The following FBN2 variants were observed in gnomAD, a reference collection of about 807,000 sequenced individuals.
FBN2 encodes the protein fibrillin 2.
Under a neutral mutation model 355.6 loss-of-function variants are expected in FBN2, and 105 were observed. That is an observed-to-expected ratio of 0.30 (90% CI 0.25 to 0.35). FBN2 has a LOEUF of 0.35. Ranked by LOEUF, FBN2 falls within the 10% of genes least tolerant of loss-of-function variation. The pLI, the probability that FBN2 is intolerant of heterozygous loss-of-function variation, is 1.00. For synonymous variants in FBN2, 1,350 were observed against 1,301.2 expected (o/e 1.04, Z -0.81); for missense variants, 3,280 against 3,758.7 (o/e 0.87, Z 3.33).
intron 28 of FBN2, 42 bp from the exon 29 acceptor site, chr5:128,335,619 C>T (rs1448131942): frequency 6.2e-7 from 1 of 1,613,070 alleles, no homozygotes; most frequent in East Asian, 2.2e-5. Context: ...GGTCTGCTTC[C>T]TTAAAAGGAG....
chr5:128,288,894 G>C (rs1749236847), intron 52 of FBN2, among the ~76,000 whole-genome samples: 1 of 152,190 alleles, frequency 6.6e-6, no homozygotes, highest in Non-Finnish European at 1.5e-5. Flanking sequence ...TAAGTCTCTA[G>C]GACACATAAG....
At chr5:128,369,367 A>G (rs1251402153) in intron 15 of FBN2, 33 bp from the exon 16 acceptor site, 11 of 1,611,612 alleles carry the variant, frequency 6.8e-6, no homozygotes, top group Non-Finnish European at 8.5e-6. Flanking sequence ...GACTTGAGGC[A>G]GTGATAGAGA....
intron 55 of FBN2, among the ~76,000 whole-genome samples, chr5:128,283,794 G>A (rs992748027): frequency 5.3e-5 from 8 of 152,164 alleles, no homozygotes; most frequent in South Asian, 2.1e-4. Context: ...TGTCCCCAAC[G>A]AAACCTGTTT....
At chr5:128,464,002 A>C (rs1754628962) in intron 6 of FBN2, among the ~76,000 whole-genome samples, 1 of 152,246 alleles carries the variant, frequency 6.6e-6, no homozygotes, top group Non-Finnish European at 1.5e-5. Flanking sequence ...AAATGGATTT[A>C]AGACATTTGA....
chr5:128,345,898 T>C (rs1751169116), intron 23 of FBN2, among the ~76,000 whole-genome samples: 1 of 152,238 alleles, frequency 6.6e-6, no homozygotes. Flanking sequence ...ATAATTTTAA[T>C]GATAATTCTT....
chr5:128,471,653 A>G (rs1047018408), intron 5 of FBN2, among the ~76,000 whole-genome samples: 7 of 152,158 alleles, frequency 4.6e-5, no homozygotes, highest in Non-Finnish European at 1.0e-4. Flanking sequence ...AACAAAAACA[A>G]AAACAAAAAA....
Position 128,345,481 on chromosome 5 carries a change from C to T in FBN2, c.3093G>A (p.Ala1031=), listed in dbSNP as rs528529593. ...RMDACCCAVG[A]AWGTECEECP... is the part of the protein sequence containing the mutation. ...ACTCCTCACACTCGGTGCCCCAAGCCGCCCCGACAGCACAGCAGCAGGCAT... is the reference window on the plus strand; with the variant it reads ...ACTCCTCACACTCGGTGCCCCAAGCTGCCCCGACAGCACAGCAGCAGGCAT... The change falls in exon 24 of 65, where the codon GCG becomes GCA. Residue 1031 remains alanine (A), a synonymous_variant. Coordinates refer to ENST00000262464, the MANE Select transcript of FBN2 (RefSeq NM_001999.4). 2.0e-5 allele frequency: 32 copies of T among 1,614,148 alleles called. No homozygotes were observed. The highest frequency in any genetic ancestry group is 1.1e-4 in the African/African-American group (8 of 75,024).
At chr5:128,501,825 T>C (rs142042535) in intron 5 of FBN2, among the ~76,000 whole-genome samples, 1 of 151,876 alleles carries the variant, frequency 6.6e-6, no homozygotes, top group African/African-American at 2.4e-5. Context: ...GAATTACTGA[T>C]AAAGATCAAA....
chr5:128,342,975 G>A (rs1205891176), intron 25 of FBN2, among the ~76,000 whole-genome samples: 1 of 152,084 alleles, frequency 6.6e-6, no homozygotes, highest in East Asian at 1.9e-4. Flanking sequence ...TGATCTGCCC[G>A]TCTCGGCCTC....
intron 5 of FBN2, among the ~76,000 whole-genome samples, chr5:128,511,758 T>A (rs958856466): frequency 1.2e-4 from 18 of 152,138 alleles, no homozygotes; most frequent in African/African-American, 3.9e-4. Context: ...GGTAGGGTGG[T>A]CAAAGAAAGT....
intron 11 of FBN2, among the ~76,000 whole-genome samples, chr5:128,380,042 A>G (rs1019572491): frequency 2.0e-5 from 3 of 152,110 alleles, no homozygotes; most frequent in Admixed American, 6.6e-5. Flanking sequence ...CTGGTAAAGG[A>G]AATAAACTTC....
At position 128,537,779 on chromosome 5, in the gene FBN2, A is replaced by T. The variant is rs1316575797; in HGVS notation, c.-176T>A. ...ACCTCGACAGAGCGCCGGCCCCCTG[A>T]CTGCCCGCGAAGCGAGACGCGGGGC... On this transcript the variant is annotated 5_prime_UTR_variant, in exon 1 of 65. Transcript: ENST00000262464. 1.5e-6 allele frequency: 1 copy of T among 657,230 alleles called. No homozygotes were observed. Among genetic ancestry groups the T allele is most frequent in the African/African-American group, 1.8e-5 (1 of 54,872 alleles). 40.7% of individuals were successfully genotyped at this position (657,230 alleles called of 1,614,324 possible).
At chr5:128,271,131 T>C (rs1282537703) in intron 62 of FBN2, among the ~76,000 whole-genome samples, 6 of 152,186 alleles carry the variant, frequency 3.9e-5, no homozygotes, top group African/African-American at 1.4e-4. Context: ...CCACAAAGGA[T>C]AAAATCAGAC....
At chr5:128,380,212 A>G (rs943802587) in intron 11 of FBN2, among the ~76,000 whole-genome samples, 1 of 152,166 alleles carries the variant, frequency 6.6e-6, no homozygotes, top group Non-Finnish European at 1.5e-5. Context: ...GAGAAAAGAG[A>G]GAGAGCATTA....
intron 6 of FBN2, among the ~76,000 whole-genome samples, chr5:128,456,016 A>AAAAAAAAAAAAAAAAAAC (rs1561465958): frequency 6.8e-6 from 1 of 148,098 alleles, no homozygotes; most frequent in African/African-American, 2.5e-5. Flanking sequence ...AAAAAAAAAA[A>AAAAAAAAAAAAAAAAAAC]AAAAAAAGCA....
chr5:128,393,360 G>C lies in FBN2; in HGVS notation c.1240C>G (p.Arg414Gly). ...GGAAGTCCATCCATGCAAAGTCTGCGATATTCCTCTAGAAGAAAAGAAAGT... is the reference window on the plus strand; with the variant it reads ...GGAAGTCCATCCATGCAAAGTCTGCCATATTCCTCTAGAAGAAAAGAAAGT... ...ACPVRGSEEY[R>G]RLCMDGLPMG... Residue 414 changes from arginine to glycine, a missense_variant, in exon 10 of 65, where the codon CGC (arginine) becomes GGC (glycine). Transcript: ENST00000262464. 6.2e-7 allele frequency: 1 copy of C among 1,613,862 alleles called. No homozygotes were observed. The highest frequency in any genetic ancestry group is 8.5e-7 in the Non-Finnish European group (1 of 1,179,814).
intron 11 of FBN2, among the ~76,000 whole-genome samples, chr5:128,384,143 G>T (rs373264404): frequency 1.3e-5 from 2 of 151,938 alleles, no homozygotes; most frequent in Admixed American, 1.3e-4. Flanking sequence ...CAACACAGAA[G>T]AATCACAGAA....
At chr5:128,500,126 T>C (rs1471385649) in intron 5 of FBN2, among the ~76,000 whole-genome samples, 1 of 152,116 alleles carries the variant, frequency 6.6e-6, no homozygotes, top group Non-Finnish European at 1.5e-5. Context: ...TGACTTTAGA[T>C]AGATTTCAGG....
At position 128,527,886 on chromosome 5, in the gene FBN2, G is replaced by A. The variant is rs147157552; in HGVS notation, c.518C>T (p.Thr173Ile). The A allele has an allele frequency of 1.3e-3, 2,063 of 1,608,094 alleles. 3 individuals carry two copies. The highest frequency in any genetic ancestry group is 1.6e-3 in the Non-Finnish European group (1,831 of 1,174,922). The change falls in exon 4 of 65, where the codon ACT becomes ATT. Residue 173 changes from threonine to isoleucine, a missense_variant. By Grantham distance (89) the Thr-to-Ile change is moderately conservative. Transcript: ENST00000262464. Reference sequence around the variant, plus strand: ...ATGTCCCTTACGTTGTCCACAATAAGTTCCAATATATCCTTTCTGGCACTG... The same window carrying A: ...ATGTCCCTTACGTTGTCCACAATAAATTCCAATATATCCTTTCTGGCACTG... ...HCQCQKGYIG[T>I]YCGQPVCENG...
Sources: allele counts gnomAD v4.1 joint callset (sites outside exome capture counted in the v4.1 genomes callset), GRCh38; gene constraint gnomAD v4.1.1; transcripts MANE v1.5; gene names NCBI Gene and HGNC (gene_info 2026-07-23, HGNC 2026-07-21).